Variants in SIM2 observed in about 807,000 individuals in gnomAD.
SIM2 encodes the protein SIM bHLH transcription factor 2.
In SIM2, 28 loss-of-function variants were observed where a neutral mutation model predicts 64.8. The ratio of observed to expected loss-of-function variants is 0.43; its 90% CI spans 0.32 to 0.59. The LOEUF (loss-of-function observed/expected upper bound fraction) is 0.59. Among genes scored for constraint, SIM2 ranks in the 20% least tolerant of loss-of-function variants. The pLI, the probability that SIM2 is intolerant of heterozygous loss-of-function variation, is 0.07. For missense variants in SIM2, 847 were observed against 871.4 expected (o/e 0.97, Z 0.35); for synonymous variants, 408 against 391.1 (o/e 1.04, Z -0.51).
At position 36,726,366 on chromosome 21, in the gene SIM2, G is replaced by A. The variant is rs765379633; in HGVS notation, c.743+48G>A. On this transcript the variant is annotated intron_variant, in intron 6 of 10. Coordinates refer to ENST00000290399, the MANE Select transcript of SIM2 (RefSeq NM_005069.6). The surrounding 1 kb of genome is among the most constrained non-coding windows in gnomAD (Gnocchi z 4.5). The stretch of plus-strand genomic sequence containing the variant: ...TGGCTGTGGCCTTCTGGAAGACACC[G>A]GTGGTGGAAATGGGTCCCTGAAAGC... The A allele has an allele frequency of 3.1e-5, 48 of 1,543,830 alleles. No individual in the cohort carries two copies. Among genetic ancestry groups the A allele is most frequent in the Admixed American group, 5.4e-5 (3 of 55,416 alleles).
chr21:36,748,252 G>T lies in SIM2; in HGVS notation c.*160G>T. ...CGGATTTCCACCGCGGAGGCCCCGCGCGCCGGTGCCGAGGGCCGAGGAGCG... is the reference window on the plus strand; with the variant it reads ...CGGATTTCCACCGCGGAGGCCCCGCTCGCCGGTGCCGAGGGCCGAGGAGCG... On this transcript the variant is annotated 3_prime_UTR_variant, in exon 11 of 11. Transcript: ENST00000290399. 2.8e-6 allele frequency: 1 copy of T among 354,978 alleles called. No individual in the cohort carries two copies. The highest frequency in any genetic ancestry group is 4.3e-6 in the Non-Finnish European group (1 of 233,398). 22.0% of individuals were successfully genotyped at this position (354,978 alleles called of 1,614,324 possible).
Position 36,741,713 on chromosome 21 carries a change from G to A in SIM2, c.851-4G>A, listed in dbSNP as rs1257647950. 1.2e-6 allele frequency: 2 copies of A among 1,612,228 alleles called. No homozygotes were observed. The highest frequency in any genetic ancestry group is 2.7e-5 in the African/African-American group (2 of 74,918). ...TGAGGACTCCTGTCACCTTGTGCTT[G>A]CAGTGTTGGTGAAGGGCCAGGTCAC... On this transcript the variant is annotated splice_polypyrimidine_tract_variant and splice_region_variant and intron_variant, in intron 7 of 10. Coordinates refer to ENST00000290399, the MANE Select transcript of SIM2 (RefSeq NM_005069.6).
intron 6 of SIM2, among the ~76,000 whole-genome samples, chr21:36,729,136 T>C (rs2088932314): frequency 6.6e-6 from 1 of 152,220 alleles, no homozygotes; most frequent in African/African-American, 2.4e-5. Context: ...ACTTAATACA[T>C]GTGTTTCTGA....
chr21:36,708,764 C>T (rs1300382021), intron 1 of SIM2, among the ~76,000 whole-genome samples: 1 of 152,144 alleles, frequency 6.6e-6, no homozygotes, highest in Non-Finnish European at 1.5e-5. Flanking sequence ...GAAGGAGGGT[C>T]CTTGGGGGAA....
intron 9 of SIM2, among the ~76,000 whole-genome samples, chr21:36,743,974 C>T (rs1025296808): frequency 6.6e-6 from 1 of 152,196 alleles, no homozygotes; most frequent in African/African-American, 2.4e-5. Context: ...GTCGGTTGGG[C>T]GTGGTGGCCC....
intron 6 of SIM2, among the ~76,000 whole-genome samples, chr21:36,729,816 C>T (rs1039687345): frequency 8.5e-5 from 13 of 152,300 alleles, no homozygotes; most frequent in South Asian, 4.1e-4. Context: ...ATCGTTGCCA[C>T]GTGCAGCTTC....
chr21:36,699,898 A>G lies in SIM2; in HGVS notation c.152A>G (p.Lys51Arg). The change falls in exon 1 of 11, where the codon AAG becomes AGG. Residue 51 changes from lysine (K) to arginine (R), a missense_variant. Lys to Arg is a conservative substitution (Grantham distance 26). Around this residue, in one of 3 missense-constraint regions of SIM2, gnomAD observed 397 missense variants for 439.2 expected, o/e 0.90. Coordinates refer to ENST00000290399, the MANE Select transcript of SIM2 (RefSeq NM_005069.6). The surrounding 1 kb of genome is among the most constrained non-coding windows in gnomAD (Gnocchi z 5.6). ...SIIRLTTSYL[K>R]MRAVFPEGLG... ...ATCCGCCTCACCACGAGCTACCTGA[A>G]GATGCGCGCCGTCTTCCCCGAAGGT... 1 of 1,605,818 alleles carries G rather than the reference A, an allele frequency of 6.2e-7. No individual in the cohort carries two copies. Among genetic ancestry groups the G allele is most frequent in the South Asian group, 1.1e-5 (1 of 89,346 alleles).
chr21:36,721,973 T>C (rs1193530090), intron 4 of SIM2, among the ~76,000 whole-genome samples: 1 of 151,990 alleles, frequency 6.6e-6, no homozygotes, highest in African/African-American at 2.4e-5. Flanking sequence ...GGCCGAGGGG[T>C]GCAGGGGTTG....
In SIM2 at chr21:36,726,978, T is replaced by G. The variant is rs969547209; in HGVS notation, c.743+660T>G. 3.3e-5 allele frequency among the ~76,000 whole-genome samples: 5 copies of G among 152,214 alleles called. No individual in the cohort carries two copies. The highest frequency in any genetic ancestry group is 4.8e-5 in the African/African-American group (2 of 41,462). ...CCCTAGAACCGGCTGCAGTCCCAGT[T>G]TTTTAACTGAGTCTGCAGTTAAAGT... On this transcript the variant is annotated intron_variant, in intron 6 of 10. Coordinates refer to ENST00000290399, the MANE Select transcript of SIM2 (RefSeq NM_005069.6). The surrounding 1 kb of genome is among the most constrained non-coding windows in gnomAD (Gnocchi z 4.5).
intron 2 of SIM2, chr21:36,710,535 T>C (rs1445295494): frequency 6.6e-6 from 1 of 152,154 alleles, no homozygotes; most frequent in Non-Finnish European, 1.5e-5. Context: ...GTCTCTGCCA[T>C]CGAAAAATGC....
intron 1 of SIM2, among the ~76,000 whole-genome samples, chr21:36,706,233 T>G (rs903223613): frequency 1.3e-5 from 2 of 152,168 alleles, no homozygotes; most frequent in Non-Finnish European, 2.9e-5. Flanking sequence ...CAGGGAGGAA[T>G]GAGGCGCTGG....
chr21:36,733,652 C>T (rs1347023557), intron 7 of SIM2, among the ~76,000 whole-genome samples: 5 of 150,624 alleles, frequency 3.3e-5, no homozygotes, highest in Non-Finnish European at 5.9e-5. Context: ...CTCCTCTTCC[C>T]GGGTTCATGC....
intron 6 of SIM2, among the ~76,000 whole-genome samples, chr21:36,728,866 C>T (rs749402109): frequency 1.3e-5 from 2 of 152,218 alleles, no homozygotes; most frequent in African/African-American, 2.4e-5. Flanking sequence ...GCCTGTCTGG[C>T]GCCACACCCC....
intron 1 of SIM2, among the ~76,000 whole-genome samples, chr21:36,706,335 T>C (rs758329590): frequency 1.1e-4 from 16 of 152,118 alleles, no homozygotes; most frequent in Non-Finnish European, 2.1e-4. Flanking sequence ...CCTGCAGTGC[T>C]CTGCAGGGGT....
intron 7 of SIM2, among the ~76,000 whole-genome samples, chr21:36,736,761 C>T (rs1167636293): frequency 6.7e-6 from 1 of 150,308 alleles, no homozygotes; most frequent in African/African-American, 2.5e-5. Context: ...TCCTCCCTCC[C>T]TCCCTTTCTT....
intron 6 of SIM2, among the ~76,000 whole-genome samples, chr21:36,729,489 G>A (rs1449257886): frequency 6.6e-6 from 1 of 152,130 alleles, no homozygotes; most frequent in East Asian, 1.9e-4. Flanking sequence ...GAGGCTCTCC[G>A]AGATTTACGA....
At chr21:36,719,778 C>T in intron 3 of SIM2, 43 bp from the exon 4 acceptor site, 1 of 1,249,716 alleles carries the variant, frequency 8.0e-7, no homozygotes, top group Non-Finnish European at 1.2e-6. Flanking sequence ...TGCGCCAATC[C>T]CAGAGAGGCG....
intron 2 of SIM2, among the ~76,000 whole-genome samples, chr21:36,711,843 T>C (rs1034148790): frequency 6.6e-6 from 1 of 152,248 alleles, no homozygotes; most frequent in Non-Finnish European, 1.5e-5. Context: ...CTTATAGTTT[T>C]ACTTTATTTT....
intron 3 of SIM2, among the ~76,000 whole-genome samples, chr21:36,719,466 G>A (rs149783871): frequency 6.6e-6 from 1 of 152,336 alleles, no homozygotes; most frequent in African/African-American, 2.4e-5. Flanking sequence ...CCCTGGCCTG[G>A]GTCTGTTTCA....
Sources: allele counts gnomAD v4.1 joint callset (sites outside exome capture counted in the v4.1 genomes callset), GRCh38; gene constraint gnomAD v4.1.1; regional missense constraint gnomAD v4.1.1; non-coding constraint Gnocchi (gnomAD v3.1); transcripts MANE v1.5; gene names NCBI Gene and HGNC (gene_info 2026-07-23, HGNC 2026-07-21).